IPPK: variants seen among roughly 807,000 people sequenced by gnomAD.
IPPK encodes the protein inositol-pentakisphosphate 2-kinase, also known as IPK1 homolog.
IPPK carries 22 observed loss-of-function variants against 64.6 expected under a neutral mutation model. The ratio of observed to expected loss-of-function variants is 0.34; its 90% CI spans 0.24 to 0.49. The LOEUF (loss-of-function observed/expected upper bound fraction) is 0.49. Ranked by LOEUF, IPPK falls within the 20% of genes least tolerant of loss-of-function variation. The pLI is 0.99. For missense variants in IPPK, 532 were observed against 630.7 expected (o/e 0.84, Z 1.68); for synonymous variants, 262 against 247.2 (o/e 1.06, Z -0.56).
At chr9:92,630,204 A>G (rs1183884928) in intron 11 of IPPK, among the ~76,000 whole-genome samples, 1 of 152,232 alleles carries the variant, frequency 6.6e-6, no homozygotes, top group African/African-American at 2.4e-5. Flanking sequence ...AGCCATGTAA[A>G]GGAATGAAGT....
At chr9:92,662,299 G>A (rs921874679) in intron 1 of IPPK, among the ~76,000 whole-genome samples, 14 of 152,182 alleles carry the variant, frequency 9.2e-5, no homozygotes, top group African/African-American at 2.2e-4. Flanking sequence ...GCCCAGGCGC[G>A]CAGATCAGCT....
chr9:92,632,991 T>C (rs1471776469), intron 11 of IPPK, among the ~76,000 whole-genome samples: 1 of 151,708 alleles, frequency 6.6e-6, no homozygotes, highest in East Asian at 1.9e-4. Context: ...GTAAAGCCTA[T>C]GGGCCTCTCT....
At chr9:92,624,493 G>A (rs1851699976) in intron 11 of IPPK, among the ~76,000 whole-genome samples, 1 of 151,850 alleles carries the variant, frequency 6.6e-6, no homozygotes, top group Admixed American at 6.6e-5. Context: ...GCCAGGTGTG[G>A]TGACACATGC....
chr9:92,634,159 C>T (rs1038037335), intron 11 of IPPK, among the ~76,000 whole-genome samples: 7 of 152,224 alleles, frequency 4.6e-5, no homozygotes, highest in Admixed American at 2.0e-4. Context: ...CCACCAGGAA[C>T]GGGCCAGGGC....
intron 4 of IPPK, 74 bp downstream of exon 4, chr9:92,652,497 TGG>T (rs999100293): frequency 2.9e-6 from 2 of 688,910 alleles, no homozygotes; most frequent in Non-Finnish European, 4.8e-6. Flanking sequence ...ATACCTAACA[TGG>T]GTAATCATTT....
intron 7 of IPPK, among the ~76,000 whole-genome samples, chr9:92,641,131 T>C (rs1852037789): frequency 6.6e-6 from 1 of 152,220 alleles, no homozygotes; most frequent in Non-Finnish European, 1.5e-5. Context: ...GGTTAAGGGC[T>C]GCTATGCCTC....
At chr9:92,650,866 G>A (rs1055275623) in intron 4 of IPPK, among the ~76,000 whole-genome samples, 3 of 152,068 alleles carry the variant, frequency 2.0e-5, no homozygotes, top group Admixed American at 1.3e-4. Flanking sequence ...CAGATCTGCT[G>A]GAACCCGTGG....
chr9:92,642,638 A>G, intron 7 of IPPK, 114 bp downstream of exon 7: 3 of 855,774 alleles, frequency 3.5e-6, no homozygotes, highest in Non-Finnish European at 5.9e-6. Context: ...AAGACAGAAC[A>G]GGGCCTTCCC....
chr9:92,628,956 C>T (rs746470116), intron 11 of IPPK, among the ~76,000 whole-genome samples: 4 of 152,046 alleles, frequency 2.6e-5, no homozygotes, highest in East Asian at 1.9e-4. Context: ...CTGGGTGTTA[C>T]GGTGCACACC....
intron 1 of IPPK, among the ~76,000 whole-genome samples, chr9:92,666,065 T>G (rs1167799120): frequency 6.6e-6 from 1 of 152,176 alleles, no homozygotes; most frequent in Non-Finnish European, 1.5e-5. Context: ...GTGAGCAGCT[T>G]TGTCCACACA....
chr9:92,624,383 C>T (rs774465752), intron 11 of IPPK, among the ~76,000 whole-genome samples: 7 of 151,930 alleles, frequency 4.6e-5, no homozygotes, highest in African/African-American at 9.7e-5. Context: ...TACTTGAACC[C>T]GGGAGGCGGA....
In IPPK at chr9:92,631,299, G is replaced by A. The variant is rs185423337; in HGVS notation, c.1170+3087C>T. ...CAGCCTCCACCTCCCGGGTTCAAGC[G>A]ATTCTCCTGCCTCAGCCTCCCAAGT... On this transcript the variant is annotated intron_variant, in intron 11 of 12. Transcript: ENST00000287996. Among the ~76,000 whole-genome samples, 81 of 151,022 alleles carry A rather than the reference G, an allele frequency of 5.4e-4. 1 individual carries two copies. The highest frequency in any genetic ancestry group is 1.6e-3 in the African/African-American group (65 of 41,110).
At chr9:92,655,220 A>C (rs1009707638) in intron 3 of IPPK, among the ~76,000 whole-genome samples, 1 of 152,120 alleles carries the variant, frequency 6.6e-6, no homozygotes, top group Non-Finnish European at 1.5e-5. Context: ...ACTCACCGAC[A>C]CATCTGTTCT....
chr9:92,618,816 C>T (rs937048038), intron 12 of IPPK: 1 of 353,692 alleles, frequency 2.8e-6, no homozygotes, highest in African/African-American at 2.1e-5. Context: ...CAGCCAGCAA[C>T]CAAGGTCATC....
rs982721914 is a variant in IPPK at position 92,652,710 on chromosome 9, T to C, written c.226-71A>G. 18 of 747,612 alleles carry C rather than the reference T, an allele frequency of 2.4e-5. No individual in the cohort carries two copies. In the African/African-American group the frequency reaches 2.9e-4, roughly 12 times the overall value. The allele number at this position is 747,612 out of a possible 1,614,324, so 46.3% of individuals were successfully genotyped here. A position where few individuals can be genotyped will look rare whatever the true frequency, so the allele number is the denominator to read the frequency against. On this transcript the variant is annotated intron_variant, in intron 3 of 12. Coordinates refer to ENST00000287996, the MANE Select transcript of IPPK (RefSeq NM_022755.6). ...ATGAACACAATGCCACAGAACTGCA[T>C]GCCTAAAAACAGTTGAGCTGTTGGT...
chr9:92,626,710 C>CA (rs1358470906), intron 11 of IPPK, among the ~76,000 whole-genome samples: 3 of 152,130 alleles, frequency 2.0e-5, no homozygotes, highest in Admixed American at 2.0e-4. Flanking sequence ...ATAGAGAAAG[C>CA]ATAACATACA....
chr9:92,640,220 C>G (rs927281913), intron 8 of IPPK, among the ~76,000 whole-genome samples: 5 of 152,142 alleles, frequency 3.3e-5, no homozygotes, highest in African/African-American at 1.2e-4. Context: ...GACTGCCACC[C>G]AGGCCTGCCC....
chr9:92,635,396 A>T lies in IPPK; in HGVS notation c.917-88T>A, dbSNP rs1460006308. The T allele has an allele frequency of 1.4e-6, 2 of 1,404,388 alleles. No individual in the cohort carries two copies. The highest frequency in any genetic ancestry group is 2.7e-5 in the South Asian group (2 of 74,602). The allele number at this position is 1,404,388 out of a possible 1,614,324, so 87.0% of individuals were successfully genotyped here. ...CAGGCCGGCGCAGACCGCAGGGCTC[A>T]TCCTGGGCTCCGCCATACGGGCATC... is the stretch of plus-strand genomic sequence containing the variant. On this transcript the variant is annotated intron_variant, in intron 9 of 12. Coordinates refer to ENST00000287996, the MANE Select transcript of IPPK (RefSeq NM_022755.6). This position sits in a 1 kb window ranked among gnomAD's most constrained non-coding sequence, Gnocchi z 4.4.
At chr9:92,648,855 G>A (rs889010351) in intron 5 of IPPK, among the ~76,000 whole-genome samples, 4 of 152,204 alleles carry the variant, frequency 2.6e-5, no homozygotes, top group African/African-American at 9.6e-5. Flanking sequence ...GAAGCAAGGG[G>A]GGCCCTGGCC....
Sources: gnomAD v4.1 joint callset for allele counts (sites outside exome capture counted in the v4.1 genomes callset) on GRCh38, gnomAD v4.1.1 for gene constraint, Gnocchi (gnomAD v3.1) non-coding constraint, MANE v1.5 for transcripts, NCBI Gene and HGNC (gene_info 2026-07-23, HGNC 2026-07-21) for gene names.